The following UBR1 variants were observed in gnomAD, a reference collection of about 807,000 sequenced individuals.
UBR1 encodes E3 ubiquitin-protein ligase UBR1.
A neutral mutation model predicts 242.1 loss-of-function variants in UBR1; 102 were observed. That is an observed-to-expected ratio of 0.42 (90% CI 0.36 to 0.50). The LOEUF is 0.50. Ranked by LOEUF, UBR1 falls within the 20% of genes least tolerant of loss-of-function variation. The probability of loss-of-function intolerance (pLI) is 0.01; values close to 1 mark genes in which losing one functional copy is unlikely to be tolerated. For missense variants in UBR1, 1,772 were observed against 2,101.8 expected (o/e 0.84, Z 3.07); for synonymous variants, 675 against 684.8 (o/e 0.99, Z 0.22).
chr15:42,981,419 G>A (rs1242221426), intron 37 of UBR1, among the ~76,000 whole-genome samples: 1 of 152,062 alleles, frequency 6.6e-6, no homozygotes, highest in African/African-American at 2.4e-5. Context: ...CTCCCTTCAA[G>A]GCTCAGTTCA....
At chr15:43,034,906 G>C (rs7170376) in intron 19 of UBR1, among the ~76,000 whole-genome samples, 35,518 of 144,258 alleles carry the variant, frequency 0.25, 5,127 homozygotes, top group African/African-American at 0.4. Flanking sequence ...AAAAAAAAAA[G>C]AAAGAAAAGA....
At chr15:43,016,189 A>C (rs1185161415) in intron 28 of UBR1, among the ~76,000 whole-genome samples, 1 of 152,234 alleles carries the variant, frequency 6.6e-6, no homozygotes, top group African/African-American at 2.4e-5. Flanking sequence ...CAATCACTTA[A>C]TCACTGACAA....
chr15:43,049,024 C>A (rs908050321), intron 12 of UBR1, among the ~76,000 whole-genome samples: 4 of 152,162 alleles, frequency 2.6e-5, no homozygotes, highest in Non-Finnish European at 5.9e-5. Flanking sequence ...ATTAATATTT[C>A]TTTTGGCTGT....
At chr15:42,981,421 C>T (rs1377462802) in intron 37 of UBR1, among the ~76,000 whole-genome samples, 1 of 152,162 alleles carries the variant, frequency 6.6e-6, no homozygotes. Flanking sequence ...CCCTTCAAGG[C>T]TCAGTTCAAA....
chr15:43,016,722 G>A (rs1005736090), intron 28 of UBR1, among the ~76,000 whole-genome samples: 1 of 152,094 alleles, frequency 6.6e-6, no homozygotes, highest in East Asian at 1.9e-4. Flanking sequence ...GACTACATGA[G>A]CAAGCCACCA....
intron 6 of UBR1, among the ~76,000 whole-genome samples, chr15:43,061,514 T>C (rs1244267525): frequency 1.3e-5 from 2 of 152,078 alleles, no homozygotes; most frequent in East Asian, 3.8e-4. Flanking sequence ...CTGTGATAGA[T>C]ATAGATACAC....
chr15:43,048,624 G>C, intron 12 of UBR1, 133 bp from the exon 13 acceptor site: 3 of 707,132 alleles, frequency 4.2e-6, no homozygotes, highest in Non-Finnish European at 7.1e-6. Flanking sequence ...GAAGCTCTGA[G>C]TAGAGCTAGA....
chr15:42,987,107 C>A (rs544514932), intron 35 of UBR1, among the ~76,000 whole-genome samples: 2 of 152,368 alleles, frequency 1.3e-5, no homozygotes, highest in East Asian at 3.9e-4. Context: ...CAACCGCAGT[C>A]TGGCTCTGAC....
intron 39 of UBR1, among the ~76,000 whole-genome samples, chr15:42,972,559 T>C (rs978291868): frequency 6.6e-6 from 1 of 151,938 alleles, no homozygotes; most frequent in African/African-American, 2.4e-5. Context: ...TTAGTGGAGA[T>C]GGGATTTCAC....
intron 1 of UBR1, among the ~76,000 whole-genome samples, chr15:43,091,086 G>A (rs570736408): frequency 3.5e-4 from 53 of 152,158 alleles, no homozygotes; most frequent in African/African-American, 1.2e-3. Flanking sequence ...TTACAGGAAC[G>A]TGCCACCACG....
chr15:43,094,844 A>G (rs1279601564), intron 1 of UBR1, among the ~76,000 whole-genome samples: 2 of 152,222 alleles, frequency 1.3e-5, no homozygotes, highest in East Asian at 3.8e-4. Context: ...GCCAGAGTCA[A>G]ATATAGAGCC....
chr15:43,037,422 A>C (rs903961078), intron 17 of UBR1, among the ~76,000 whole-genome samples: 2 of 152,104 alleles, frequency 1.3e-5, no homozygotes, highest in Non-Finnish European at 2.9e-5. Flanking sequence ...AAAATAGAAG[A>C]AAAAATTACA....
chr15:43,067,457 T>C (rs982977120), intron 6 of UBR1, among the ~76,000 whole-genome samples: 6 of 152,220 alleles, frequency 3.9e-5, no homozygotes, highest in East Asian at 1.9e-4. Flanking sequence ...TATATACTTA[T>C]ATTACTTGAA....
intron 27 of UBR1, 122 bp from the exon 28 acceptor site, chr15:43,017,303 C>A: frequency 1.9e-5 from 13 of 698,886 alleles, no homozygotes; most frequent in East Asian, 2.9e-5. Flanking sequence ...TAAACTATTT[C>A]AATATATGAA....
intron 26 of UBR1, among the ~76,000 whole-genome samples, chr15:43,022,292 T>G (rs2033120262): frequency 6.6e-6 from 1 of 152,160 alleles, no homozygotes; most frequent in African/African-American, 2.4e-5. Context: ...AAATGAACGT[T>G]ATCATTCAGA....
intron 12 of UBR1, among the ~76,000 whole-genome samples, chr15:43,049,030 G>A (rs1333604044): frequency 6.6e-6 from 1 of 152,134 alleles, no homozygotes; most frequent in Non-Finnish European, 1.5e-5. Flanking sequence ...ATTTCTTTTG[G>A]CTGTAAAGAC....
At chr15:43,039,931 G>A (rs1223256867) in intron 15 of UBR1, among the ~76,000 whole-genome samples, 1 of 152,144 alleles carries the variant, frequency 6.6e-6, no homozygotes, top group African/African-American at 2.4e-5. Flanking sequence ...CATCTATGGA[G>A]ATAATCATGT....
At chr15:43,064,241 T>C (rs1449182996) in intron 6 of UBR1, among the ~76,000 whole-genome samples, 2 of 152,226 alleles carry the variant, frequency 1.3e-5, no homozygotes, top group African/African-American at 4.8e-5. Flanking sequence ...TTGATCACTA[T>C]GAGGTTATTA....
chr15:43,038,148 C>G (rs745778198), intron 16 of UBR1, 23 bp downstream of exon 16: 6 of 1,612,324 alleles, frequency 3.7e-6, no homozygotes, highest in Admixed American at 1.7e-5. Flanking sequence ...ATAAGCAAAT[C>G]AATACTTAGT....
Sources: allele counts gnomAD v4.1 joint callset (sites outside exome capture counted in the v4.1 genomes callset), GRCh38; gene constraint gnomAD v4.1.1; transcripts MANE v1.5; gene names NCBI Gene and HGNC (gene_info 2026-07-23, HGNC 2026-07-21).